The following NDEL1 variants were observed in gnomAD, a reference collection of about 807,000 sequenced individuals.
NDEL1 encodes nuclear distribution protein nudE-like 1.
NDEL1 carries 9 observed loss-of-function variants against 45.7 expected under a neutral mutation model. The observed-to-expected ratio is 0.20, with a 90% confidence interval of 0.12 to 0.34. NDEL1 has a LOEUF of 0.34. Among genes scored for constraint, NDEL1 ranks in the 10% least tolerant of loss-of-function variants. NDEL1 has a pLI of 1.00. For synonymous variants in NDEL1, 133 were observed against 158.6 expected (o/e 0.84, Z 1.21); for missense variants, 306 against 406.2 (o/e 0.75, Z 2.12).
chr17:8,420,527 C>T (rs1039217022), intron 1 of NDEL1, among the ~76,000 whole-genome samples: 1 of 152,234 alleles, frequency 6.6e-6, no homozygotes, highest in African/African-American at 2.4e-5. Flanking sequence ...TGCCAAAGGG[C>T]AAACTACAAA....
chr17:8,442,777 CTTTTTTTTTTTTTT>C (rs34963430), intron 1 of NDEL1, among the ~76,000 whole-genome samples: 86 of 84,124 alleles, frequency 1.0e-3, no homozygotes, highest in Non-Finnish European at 1.6e-3. Flanking sequence ...TATTTATTTA[CTTTTTTTTTTTTTT>C]TTTTTTTTTA....
At position 8,465,551 on chromosome 17, in the gene NDEL1, G is replaced by C; in HGVS notation, c.945-1379G>C. On this transcript the variant is annotated intron_variant, in intron 8 of 8. Transcript: ENST00000334527. This position sits in a 1 kb window ranked among gnomAD's most constrained non-coding sequence, Gnocchi z 4.9. ...CAAGTAGGCAGGGACTATTTGTCAA[G>C]TCTCTGCATGCCTGTTTGTCTGTGA... 6.6e-6 allele frequency: 1 copy of C among 152,128 alleles called. No individual in the cohort carries two copies. Among genetic ancestry groups the C allele is most frequent in the East Asian group, 1.9e-4 (1 of 5,196 alleles). 9.4% of individuals were successfully genotyped at this position (152,128 alleles called of 1,614,324 possible).
downstream of NDEL1, among the ~76,000 whole-genome samples, chr17:8,470,962 A>G (rs575037066): frequency 2.6e-5 from 4 of 152,272 alleles, no homozygotes; most frequent in African/African-American, 9.6e-5. The surrounding 1 kb of genome is among the most constrained non-coding windows in gnomAD (Gnocchi z 4.2). Context: ...CACTTCTGGG[A>G]GAGGGGAGGC....
At chr17:8,463,450 G>T in intron 8 of NDEL1, 2 of 1,218,264 alleles carry the variant, frequency 1.6e-6, no homozygotes, top group Non-Finnish European at 2.4e-6. Flanking sequence ...TAACTGCATG[G>T]GGCTGACTCA....
chr17:8,458,751 G>C (rs1911010821), intron 7 of NDEL1, among the ~76,000 whole-genome samples: 1 of 152,036 alleles, frequency 6.6e-6, no homozygotes, highest in African/African-American at 2.4e-5. Context: ...TTTTGAGACA[G>C]AGTCTCACTC....
At chr17:8,454,394 A>T (rs1228664130) in intron 6 of NDEL1, among the ~76,000 whole-genome samples, 1 of 151,950 alleles carries the variant, frequency 6.6e-6, no homozygotes, top group African/African-American at 2.4e-5. Flanking sequence ...AAAAAAAAAG[A>T]TAATATCTAA....
Position 8,428,941 on chromosome 17 carries a change from G to C in NDEL1, c.-12-15319G>C, listed in dbSNP as rs566708411. 1.1e-4 allele frequency among the ~76,000 whole-genome samples: 17 copies of C among 152,280 alleles called. No individual in the cohort carries two copies. In the South Asian group the frequency reaches 3.3e-3, roughly 30 times the overall value. ...GCCTGCCTTGGCCTCCCAAAGTGCT[G>C]GGATTACAGGCATGAGCCACCGCGC... On this transcript the variant is annotated intron_variant, in intron 1 of 4. Transcript: ENST00000582812.
At chr17:8,424,908 G>T (rs567651516) in intron 1 of NDEL1, among the ~76,000 whole-genome samples, 1 of 152,224 alleles carries the variant, frequency 6.6e-6, no homozygotes, top group African/African-American at 2.4e-5. Flanking sequence ...GGCTCAAGCG[G>T]TCCTCTTGCC....
chr17:8,421,543 C>G (rs1268363634), intron 1 of NDEL1, among the ~76,000 whole-genome samples: 1 of 152,166 alleles, frequency 6.6e-6, no homozygotes, highest in East Asian at 1.9e-4. Context: ...TCTCTCCGAG[C>G]TTTCAGGAGG....
chr17:8,427,734 A>C (rs1335635087), intron 1 of NDEL1, among the ~76,000 whole-genome samples: 1 of 150,694 alleles, frequency 6.6e-6, no homozygotes, highest in African/African-American at 2.5e-5. Flanking sequence ...ACAGACAAAC[A>C]ATAAAACCAC....
intron 5 of NDEL1, 112 bp downstream of exon 5, chr17:8,448,798 A>C (rs1353945104): frequency 1.8e-6 from 2 of 1,108,038 alleles, no homozygotes; most frequent in Non-Finnish European, 2.5e-6. Flanking sequence ...TTGAAAATAC[A>C]GTATTCACGG....
chr17:8,431,471 A>G (rs1281747516), upstream of NDEL1: 1 of 152,284 alleles, frequency 6.6e-6, no homozygotes, highest in Non-Finnish European at 1.5e-5. Flanking sequence ...TGAGGGAGGG[A>G]AAGCATGTAA....
chr17:8,463,439 C>A, intron 8 of NDEL1: 2 of 1,337,350 alleles, frequency 1.5e-6, no homozygotes, highest in Non-Finnish European at 2.1e-6. Flanking sequence ...TCTGGTTTTA[C>A]TAACTGCATG....
chr17:8,430,800 A>G (rs761562100), intron 1 of NDEL1, among the ~76,000 whole-genome samples: 2 of 152,110 alleles, frequency 1.3e-5, no homozygotes, highest in Non-Finnish European at 2.9e-5. Context: ...GCTGATTTCC[A>G]TCTTCCTTTC....
chr17:8,432,316 TA>T (rs1909020331), upstream of NDEL1: 2 of 125,008 alleles, frequency 1.6e-5, no homozygotes, highest in East Asian at 2.1e-4. Flanking sequence ...TATATATATA[TA>T]TTTATATATA....
chr17:8,466,580 C>A (rs1042592490), intron 8 of NDEL1: 16 of 201,034 alleles, frequency 8.0e-5, no homozygotes, highest in African/African-American at 3.5e-4. Context: ...TTTTTAATGG[C>A]TGTGCAATAT....
rs764317822 is a variant in NDEL1, at chr17:8,446,879, C to G, written c.366C>G (p.Asn122Lys). 1 of 1,614,118 alleles carries G rather than the reference C, an allele frequency of 6.2e-7. No homozygotes were observed. Among genetic ancestry groups the G allele is most frequent in the Non-Finnish European group, 8.5e-7 (1 of 1,180,006 alleles). The change falls in exon 4 of 9, where the codon AAC (asparagine) becomes AAG (lysine). Residue 122 changes from asparagine (N) to lysine (K), a missense_variant. Transcript: ENST00000334527. ...HKYVRELEQA[N>K]DDLERAKRAT... ...ATGTGAGAGAGCTGGAGCAGGCCAA[C>G]GACGACCTGGAGCGAGCCAAAAGGT...
At chr17:8,417,841 G>GT (rs1484618008) in intron 1 of NDEL1, among the ~76,000 whole-genome samples, 1 of 152,166 alleles carries the variant, frequency 6.6e-6, no homozygotes, top group African/African-American at 2.4e-5. Flanking sequence ...AGCTATTCTG[G>GT]TTTAGTTCCT....
upstream of NDEL1, among the ~76,000 whole-genome samples, chr17:8,434,867 C>G (rs1909165741): frequency 6.6e-6 from 1 of 151,986 alleles, no homozygotes; most frequent in African/African-American, 2.4e-5. Context: ...GTCAGGAGTT[C>G]GAGACCAGCC....
Sources: allele counts gnomAD v4.1 joint callset (sites outside exome capture counted in the v4.1 genomes callset), GRCh38; gene constraint gnomAD v4.1.1; non-coding constraint Gnocchi (gnomAD v3.1); transcripts MANE v1.5; gene names NCBI Gene and HGNC (gene_info 2026-07-23, HGNC 2026-07-21).